Variants in KHDRBS2 observed in about 807,000 individuals in gnomAD.
KHDRBS2 encodes KH RNA binding domain containing, signal transduction associated 2, also known as KH domain-containing, RNA-binding, signal transduction-associated protein 2.
In KHDRBS2, 26 loss-of-function variants were observed where a neutral mutation model predicts 44.3. The ratio of observed to expected loss-of-function variants is 0.59; its 90% CI spans 0.43 to 0.81. The LOEUF is 0.81. Ranked by LOEUF, KHDRBS2 falls within the 40% of genes least tolerant of loss-of-function variation. The pLI, the probability that KHDRBS2 is intolerant of heterozygous loss-of-function variation, is 0.00. For missense variants in KHDRBS2, 476 were observed against 433.1 expected (o/e 1.10, Z -0.88); for synonymous variants, 194 against 151.1 (o/e 1.28, Z -2.08).
rs563575675 is a variant in KHDRBS2, at chr6:61,827,298, G to T, written c.810+67337C>A. ...AGTTGGGAGGAGGATGTTAACGCAG[G>T]CTGCCTGTGATCCCCCGACTAACTT... is the stretch of plus-strand genomic sequence containing the variant. On this transcript the variant is annotated intron_variant, in intron 6 of 8. Coordinates refer to ENST00000281156, the MANE Select transcript of KHDRBS2 (RefSeq NM_152688.4). Among the ~76,000 whole-genome samples the T allele has an allele frequency of 2.0e-5, 3 of 152,274 alleles. No individual in the cohort carries two copies. In the South Asian group the frequency reaches 6.2e-4, roughly 32 times the overall value.
intron 4 of KHDRBS2, among the ~76,000 whole-genome samples, chr6:61,963,206 C>T (rs1562538108): frequency 1.3e-5 from 2 of 151,910 alleles, no homozygotes; most frequent in Non-Finnish European, 2.9e-5. Context: ...GAGATAAACT[C>T]CTGGTTTAAT....
chr6:61,565,456 A>G, the KHDRBS2 span, among the ~76,000 whole-genome samples: 2 of 152,146 alleles, frequency 1.3e-5, no homozygotes, highest in Non-Finnish European at 2.9e-5. Flanking sequence ...AGCAACTCAA[A>G]CAACTCAATA....
intron 7 of KHDRBS2, among the ~76,000 whole-genome samples, chr6:61,723,563 A>T (rs773496106): frequency 2.0e-5 from 3 of 151,932 alleles, no homozygotes; most frequent in Non-Finnish European, 2.9e-5. Flanking sequence ...ACAAACAAAC[A>T]AACAAACAAA....
chr6:61,883,412 G>A (rs1800484574), intron 6 of KHDRBS2, among the ~76,000 whole-genome samples: 1 of 151,930 alleles, frequency 6.6e-6, no homozygotes, highest in African/African-American at 2.4e-5. Flanking sequence ...GGCACAGGGA[G>A]AAACCTATTT....
intron 6 of KHDRBS2, among the ~76,000 whole-genome samples, chr6:61,806,887 A>G (rs1383687258): frequency 1.3e-5 from 2 of 152,166 alleles, no homozygotes; most frequent in East Asian, 3.8e-4. Context: ...ACATGTATAT[A>G]TACATTGTGT....
the KHDRBS2 span, among the ~76,000 whole-genome samples, chr6:61,593,768 G>T: frequency 6.6e-6 from 1 of 152,058 alleles, no homozygotes; most frequent in Non-Finnish European, 1.5e-5. Flanking sequence ...TGAATTGGGT[G>T]AATTCTTCTT....
chr6:61,569,278 G>A, the KHDRBS2 span, among the ~76,000 whole-genome samples: 8 of 152,074 alleles, frequency 5.3e-5, no homozygotes, highest in African/African-American at 1.9e-4. Flanking sequence ...TCCTAATCTT[G>A]ACCCCAGCTG....
chr6:61,693,600 T>C (rs1767595762), intron 8 of KHDRBS2, among the ~76,000 whole-genome samples: 1 of 152,178 alleles, frequency 6.6e-6, no homozygotes, highest in Non-Finnish European at 1.5e-5. Context: ...ATCTTCCTTA[T>C]TCTGTTCAGA....
intron 4 of KHDRBS2, among the ~76,000 whole-genome samples, chr6:61,953,296 A>G (rs1033934367): frequency 2.0e-5 from 3 of 152,026 alleles, no homozygotes; most frequent in African/African-American, 4.8e-5. Flanking sequence ...TTCTAACCCC[A>G]AACGATCTTG....
At chr6:62,059,198 G>GTTTTTTTT (rs398001756) in intron 2 of KHDRBS2, among the ~76,000 whole-genome samples, 562 of 24,874 alleles carry the variant, frequency 0.023, 229 homozygotes, top group East Asian at 0.039. Flanking sequence ...AAGTTAGGAA[G>GTTTTTTTT]TTTTTTTTTT....
chr6:62,103,979 T>C (rs1802529192), intron 2 of KHDRBS2, among the ~76,000 whole-genome samples: 1 of 152,008 alleles, frequency 6.6e-6, no homozygotes, highest in East Asian at 1.9e-4. Flanking sequence ...AGGATGACCA[T>C]GGAAAAGAAA....
At chr6:61,967,412 TA>T (rs1562546807) in intron 4 of KHDRBS2, among the ~76,000 whole-genome samples, 3 of 129,642 alleles carry the variant, frequency 2.3e-5, no homozygotes, top group African/African-American at 3.5e-5. Flanking sequence ...GATAGATAGA[TA>T]GACAGATAGA....
intron 4 of KHDRBS2, among the ~76,000 whole-genome samples, chr6:61,944,734 A>T (rs2127378677): frequency 6.6e-6 from 1 of 152,252 alleles, no homozygotes. Context: ...ATCATTACAC[A>T]GTCTTGTATG....
At chr6:61,818,260 T>C (rs1195764180) in intron 6 of KHDRBS2, among the ~76,000 whole-genome samples, 1 of 111,072 alleles carries the variant, frequency 9.0e-6, no homozygotes, top group African/African-American at 5.4e-5. Flanking sequence ...AGAAAACCTC[T>C]GTAAGTAAAA....
intron 4 of KHDRBS2, among the ~76,000 whole-genome samples, chr6:61,957,761 A>T (rs1048601855): frequency 2.6e-5 from 4 of 152,064 alleles, no homozygotes; most frequent in Non-Finnish European, 5.9e-5. Flanking sequence ...ACCTTGTGAT[A>T]TCTTATTACC....
chr6:61,870,815 AAG>A (rs1199563888), intron 6 of KHDRBS2, among the ~76,000 whole-genome samples: 1 of 152,132 alleles, frequency 6.6e-6, no homozygotes, highest in Non-Finnish European at 1.5e-5. Context: ...AACAAACAGA[AAG>A]AAATAGCACA....
intron 2 of KHDRBS2, among the ~76,000 whole-genome samples, chr6:62,101,140 G>T (rs191416674): frequency 6.6e-6 from 1 of 152,046 alleles, no homozygotes. Flanking sequence ...AATATGAAGA[G>T]AATAAAACAC....
chr6:62,191,401 C>A (rs1186976685), intron 1 of KHDRBS2, among the ~76,000 whole-genome samples: 1 of 152,082 alleles, frequency 6.6e-6, no homozygotes, highest in East Asian at 1.9e-4. Context: ...ATCTTTAAGG[C>A]AGGCCCAGTT....
rs145760618 is a variant in KHDRBS2 at position 62,038,991 on chromosome 6, A to T, written c.336+8887T>A. ...AGCTATTTAAGTAAATTTTCTTTCT[A>T]ATATTCAATTATATTAGAACAGTAA... On this transcript the variant is annotated intron_variant, in intron 3 of 8. Transcript: ENST00000281156. Among the ~76,000 whole-genome samples, 852 of 152,132 alleles carry T rather than the reference A, an allele frequency of 5.6e-3. 4 individuals carry two copies. Among genetic ancestry groups the T allele is most frequent in the African/African-American group, 0.02 (833 of 41,542 alleles).
Sources: allele counts gnomAD v4.1 joint callset (sites outside exome capture counted in the v4.1 genomes callset), GRCh38; gene constraint gnomAD v4.1.1; transcripts MANE v1.5; gene names NCBI Gene and HGNC (gene_info 2026-07-23, HGNC 2026-07-21).